Variants in SPAG16 observed in about 807,000 individuals in gnomAD.
SPAG16 encodes the protein sperm associated antigen 16, also known as sperm-associated antigen 16 protein.
A neutral mutation model predicts 80.4 loss-of-function variants in SPAG16; 86 were observed. The ratio of observed to expected loss-of-function variants is 1.07; its 90% CI spans 0.90 to 1.28. The LOEUF is 1.28. Ranked by LOEUF, SPAG16 falls within the 50% of genes most tolerant of loss-of-function variation. SPAG16 has a pLI of 0.00. For missense variants in SPAG16, 870 were observed against 765.3 expected (o/e 1.14, Z -1.61); for synonymous variants, 294 against 265.9 (o/e 1.11, Z -1.03).
At chr2:213,636,884 A>C (rs1008979953) in intron 10 of SPAG16, among the ~76,000 whole-genome samples, 7 of 152,166 alleles carry the variant, frequency 4.6e-5, no homozygotes, top group Admixed American at 2.0e-4. Flanking sequence ...TAGGTGTATG[A>C]ACCTAAATTG....
At chr2:214,048,532 G>T (rs72935988) in intron 13 of SPAG16, among the ~76,000 whole-genome samples, 2 of 151,698 alleles carry the variant, frequency 1.3e-5, no homozygotes, top group Non-Finnish European at 2.9e-5. Flanking sequence ...GAGATAGAGA[G>T]TAGGATGATT....
intron 12 of SPAG16, among the ~76,000 whole-genome samples, chr2:214,007,045 T>A (rs1374140834): frequency 6.6e-6 from 1 of 152,176 alleles, no homozygotes; most frequent in Non-Finnish European, 1.5e-5. Context: ...TGTACAGCAT[T>A]TTACCAATAG....
Position 213,987,794 on chromosome 2 carries a change from A to G in SPAG16, c.1401-26157A>G, listed in dbSNP as rs545166800. Among the ~76,000 whole-genome samples, 1,407 of 148,318 alleles carry G rather than the reference A, an allele frequency of 9.5e-3. 13 individuals carry two copies. Among genetic ancestry groups the G allele is most frequent in the Middle Eastern group, 0.022 (6 of 278 alleles). ...AAGCAATACATAACAGAAAAACTAT[A>G]TAATTATAAAATATAAAATATATAT... On this transcript the variant is annotated intron_variant, in intron 12 of 15. Transcript: ENST00000331683.
intron 10 of SPAG16, among the ~76,000 whole-genome samples, chr2:213,855,960 C>A (rs2075144925): frequency 6.6e-6 from 1 of 152,164 alleles, no homozygotes; most frequent in African/African-American, 2.4e-5. Flanking sequence ...TCATGTCCTT[C>A]CCAGTCCCCC....
chr2:213,528,707 G>T (rs2075969386), intron 10 of SPAG16, among the ~76,000 whole-genome samples: 3 of 152,018 alleles, frequency 2.0e-5, no homozygotes, highest in Non-Finnish European at 4.4e-5. Context: ...TCCAATTTTT[G>T]GCTTCCCTGG....
intron 15 of SPAG16, among the ~76,000 whole-genome samples, chr2:214,350,609 C>A (rs1324477214): frequency 6.6e-6 from 1 of 152,132 alleles, no homozygotes; most frequent in Non-Finnish European, 1.5e-5. Flanking sequence ...TGGGAGTGAG[C>A]TCCTCTCCCA....
intron 10 of SPAG16, among the ~76,000 whole-genome samples, chr2:213,705,174 G>C (rs1392327362): frequency 6.6e-6 from 1 of 152,128 alleles, no homozygotes; most frequent in Non-Finnish European, 1.5e-5. Context: ...TGTGAACCTG[G>C]GAGGCGGAGC....
intron 11 of SPAG16, among the ~76,000 whole-genome samples, chr2:213,926,279 G>A (rs557008932): frequency 1.3e-5 from 2 of 151,980 alleles, no homozygotes; most frequent in South Asian, 2.1e-4. Context: ...AACAGGTGGT[G>A]TTTGGTTACA....
chr2:213,950,484 G>A (rs931958968), intron 12 of SPAG16, among the ~76,000 whole-genome samples: 10 of 146,872 alleles, frequency 6.8e-5, no homozygotes, highest in Admixed American at 2.7e-4. Flanking sequence ...AGGTCACACC[G>A]CCCTTTAACA....
At chr2:213,415,931 G>C (rs949014170) in intron 9 of SPAG16, among the ~76,000 whole-genome samples, 2 of 152,210 alleles carry the variant, frequency 1.3e-5, no homozygotes. Context: ...TGAAGATGTT[G>C]AGGATGTAGA....
intron 10 of SPAG16, among the ~76,000 whole-genome samples, chr2:213,674,671 G>T (rs1312956722): frequency 6.7e-6 from 1 of 149,786 alleles, no homozygotes; most frequent in Admixed American, 6.6e-5. Context: ...TACTGAGAAT[G>T]ATGATTTCCA....
chr2:213,493,889 G>A (rs184188350), intron 10 of SPAG16, among the ~76,000 whole-genome samples: 8 of 152,212 alleles, frequency 5.3e-5, no homozygotes, highest in African/African-American at 1.9e-4. Context: ...ACAAAAGTGC[G>A]GACTGAATTA....
intron 15 of SPAG16, among the ~76,000 whole-genome samples, chr2:214,253,110 G>T: frequency 7.0e-6 from 1 of 142,216 alleles, no homozygotes; most frequent in African/African-American, 2.6e-5. Flanking sequence ...TTTTTGAGAA[G>T]GATCTGTTCA....
At chr2:214,279,929 T>C (rs1692785634) in intron 15 of SPAG16, among the ~76,000 whole-genome samples, 1 of 152,158 alleles carries the variant, frequency 6.6e-6, no homozygotes, top group Non-Finnish European at 1.5e-5. Context: ...TTGAAGTGAA[T>C]GGCAATGAAA....
chr2:213,555,286 C>T lies in SPAG16; in HGVS notation c.1070+65196C>T, dbSNP rs1284775976. ...CCACTCAAATCTTAAATTGTAATCC[C>T]TATAATCCTCACACATCAAGGGCAG... On this transcript the variant is annotated intron_variant, in intron 10 of 15. Transcript: ENST00000331683. Among the ~76,000 whole-genome samples, 8 of 152,188 alleles carry T rather than the reference C, an allele frequency of 5.3e-5. No homozygotes were observed. In the East Asian group the frequency reaches 1.3e-3, roughly 26 times the overall value.
intron 11 of SPAG16, among the ~76,000 whole-genome samples, chr2:213,924,524 G>A (rs910659309): frequency 6.6e-6 from 1 of 152,186 alleles, no homozygotes; most frequent in African/African-American, 2.4e-5. Flanking sequence ...GTGTTGACTA[G>A]CCTTTTAGTT....
intron 10 of SPAG16, among the ~76,000 whole-genome samples, chr2:213,831,253 T>C (rs2073636690): frequency 6.6e-6 from 1 of 151,902 alleles, no homozygotes; most frequent in Non-Finnish European, 1.5e-5. Context: ...TTGGCCAGGC[T>C]GGTCTCGAAC....
chr2:213,532,141 G>A (rs1342780133), intron 10 of SPAG16, among the ~76,000 whole-genome samples: 2 of 152,104 alleles, frequency 1.3e-5, no homozygotes, highest in Admixed American at 6.6e-5. Context: ...GACATTTATG[G>A]AGATTCCTTC....
chr2:213,743,130 C>T (rs1370675265), intron 10 of SPAG16, among the ~76,000 whole-genome samples: 1 of 151,142 alleles, frequency 6.6e-6, no homozygotes. Flanking sequence ...GTCTCTATCT[C>T]CTGACCTCGT....
Sources: allele counts gnomAD v4.1 joint callset (sites outside exome capture counted in the v4.1 genomes callset), GRCh38; gene constraint gnomAD v4.1.1; transcripts MANE v1.5; gene names NCBI Gene and HGNC (gene_info 2026-07-23, HGNC 2026-07-21).